The following TMEM232 variants were observed in gnomAD, a reference collection of about 807,000 sequenced individuals.
The protein encoded by TMEM232 is transmembrane protein 232.
A neutral mutation model predicts 78.8 loss-of-function variants in TMEM232; 80 were observed. That is an observed-to-expected ratio of 1.01 (90% CI 0.85 to 1.22). The LOEUF (loss-of-function observed/expected upper bound fraction) is 1.22. TMEM232 is among the 50% of genes most tolerant of loss of function. The pLI, the probability that TMEM232 is intolerant of heterozygous loss-of-function variation, is 0.00. For missense variants in TMEM232, 881 were observed against 742.2 expected (o/e 1.19, Z -2.17); for synonymous variants, 297 against 254.3 (o/e 1.17, Z -1.60).
chr5:110,738,205 G>A (rs553862975), upstream of TMEM232: 228 of 1,286,684 alleles, frequency 1.8e-4, 1 homozygote, highest in South Asian at 2.8e-3. Flanking sequence ...TCAGATCTGG[G>A]GAGGGAGCCT....
intron 3 of TMEM232, among the ~76,000 whole-genome samples, chr5:110,393,494 ATC>A (rs1755277341): frequency 1.3e-5 from 2 of 151,850 alleles, no homozygotes; most frequent in African/African-American, 2.4e-5. Flanking sequence ...ATCCTTTTTC[ATC>A]TCTTTTATTT....
intron 1 of TMEM232, among the ~76,000 whole-genome samples, chr5:110,714,379 T>C (rs1796814456): frequency 6.6e-6 from 1 of 152,170 alleles, no homozygotes; most frequent in Non-Finnish European, 1.5e-5. Context: ...CCAATCAAAA[T>C]AGAAAGAATG....
chr5:110,544,714 T>C (rs1773571780), intron 11 of TMEM232, among the ~76,000 whole-genome samples: 1 of 152,060 alleles, frequency 6.6e-6, no homozygotes, highest in Non-Finnish European at 1.5e-5. Context: ...TTCTTAAATG[T>C]TTTTCAAAAT....
chr5:110,633,464 T>C (rs1323475604), intron 5 of TMEM232, among the ~76,000 whole-genome samples: 1 of 152,104 alleles, frequency 6.6e-6, no homozygotes, highest in African/African-American at 2.4e-5. Flanking sequence ...CCAAATCTCA[T>C]CTCAAATTGT....
At chr5:110,428,645 CTT>C (rs1275462209) in intron 12 of TMEM232, among the ~76,000 whole-genome samples, 5 of 144,158 alleles carry the variant, frequency 3.5e-5, no homozygotes, top group African/African-American at 7.6e-5. Context: ...ATCCTCCTGT[CTT>C]TTTTTTTTTT....
At chr5:110,404,106 G>A (rs1755703425) in intron 2 of TMEM232, among the ~76,000 whole-genome samples, 2 of 151,520 alleles carry the variant, frequency 1.3e-5, no homozygotes, top group Non-Finnish European at 2.9e-5. Context: ...TTCCCATCTC[G>A]CCATTTTTAT....
chr5:110,618,848 G>A (rs1313776777), intron 7 of TMEM232, among the ~76,000 whole-genome samples: 1 of 152,148 alleles, frequency 6.6e-6, no homozygotes, highest in Non-Finnish European at 1.5e-5. Context: ...ATAGCTATTA[G>A]ACACAATTGT....
At chr5:110,570,416 T>G (rs1344077854) in intron 10 of TMEM232, among the ~76,000 whole-genome samples, 1 of 151,966 alleles carries the variant, frequency 6.6e-6, no homozygotes, top group Non-Finnish European at 1.5e-5. Context: ...CTTCAAGTAA[T>G]TGGCAAGTCT....
At chr5:110,493,373 C>T (rs1765309688) in intron 12 of TMEM232, among the ~76,000 whole-genome samples, 1 of 136,744 alleles carries the variant, frequency 7.3e-6, no homozygotes, top group Non-Finnish European at 1.5e-5. Context: ...GGTCAATAGC[C>T]AAGACATTGA....
chr5:110,679,643 T>C (rs1192265218), intron 1 of TMEM232, among the ~76,000 whole-genome samples: 4 of 152,314 alleles, frequency 2.6e-5, no homozygotes, highest in Non-Finnish European at 5.9e-5. Flanking sequence ...TTTTAACATA[T>C]GAAATTACTC....
chr5:110,652,050 G>C (rs965127416), intron 2 of TMEM232, among the ~76,000 whole-genome samples: 9 of 152,034 alleles, frequency 5.9e-5, no homozygotes, highest in Admixed American at 1.3e-4. Context: ...AGAAATAGGA[G>C]GCTGACAGAG....
chr5:110,577,933 T>A (rs1162081953), intron 10 of TMEM232, among the ~76,000 whole-genome samples: 3 of 151,868 alleles, frequency 2.0e-5, no homozygotes, highest in African/African-American at 7.2e-5. Flanking sequence ...CTAGGCTTAG[T>A]GATAGTGACC....
intron 10 of TMEM232, among the ~76,000 whole-genome samples, chr5:110,583,977 A>T (rs1475277599): frequency 6.6e-6 from 1 of 151,236 alleles, no homozygotes; most frequent in African/African-American, 2.4e-5. Context: ...AAAAAAAAAA[A>T]AAAAAAAGAA....
chr5:110,600,979 C>T (rs1271427461), intron 10 of TMEM232, among the ~76,000 whole-genome samples: 1 of 152,168 alleles, frequency 6.6e-6, no homozygotes, highest in African/African-American at 2.4e-5. Context: ...CAGCTTCATC[C>T]CTGAGATGCA....
chr5:110,604,358 C>T (rs1361884126), intron 10 of TMEM232, among the ~76,000 whole-genome samples: 1 of 151,998 alleles, frequency 6.6e-6, no homozygotes, highest in Non-Finnish European at 1.5e-5. Flanking sequence ...AGTCCTGAGA[C>T]ATAAGACAGC....
chr5:110,511,632 C>T (rs2149472688), intron 12 of TMEM232, among the ~76,000 whole-genome samples: 1 of 152,118 alleles, frequency 6.6e-6, no homozygotes, highest in Admixed American at 6.6e-5. Flanking sequence ...CCTAATTTCT[C>T]ATAAGCAACC....
intron 2 of TMEM232, among the ~76,000 whole-genome samples, chr5:110,400,792 A>G (rs1376101040): frequency 1.3e-5 from 2 of 152,044 alleles, no homozygotes; most frequent in Non-Finnish European, 2.9e-5. Context: ...AAGTGGTATT[A>G]TTTTGGGGCG....
chr5:110,579,864 T>A (rs1380240597), intron 10 of TMEM232, among the ~76,000 whole-genome samples: 1 of 151,364 alleles, frequency 6.6e-6, no homozygotes, highest in Non-Finnish European at 1.5e-5. Context: ...TCAAAAGACA[T>A]AAAGTGGCTA....
chr5:110,610,278 G>GAA (rs1554057579), intron 8 of TMEM232, among the ~76,000 whole-genome samples: 61 of 145,962 alleles, frequency 4.2e-4, no homozygotes, highest in African/African-American at 1.3e-3. Flanking sequence ...AAGGTGGGTG[G>GAA]GTGAAGGGAG....
Sources: allele counts gnomAD v4.1 joint callset (sites outside exome capture counted in the v4.1 genomes callset), GRCh38; gene constraint gnomAD v4.1.1; transcripts MANE v1.5; gene names NCBI Gene and HGNC (gene_info 2026-07-23, HGNC 2026-07-21).